The following PRKN variants were observed in gnomAD, a reference collection of about 807,000 sequenced individuals.
PRKN encodes parkin RBR E3 ubiquitin protein ligase.
PRKN carries 56 observed loss-of-function variants against 59.5 expected under a neutral mutation model. The ratio of observed to expected loss-of-function variants is 0.94; its 90% CI spans 0.76 to 1.18. The LOEUF is 1.18. Among genes scored for constraint, PRKN ranks in the 50% most tolerant of loss-of-function variants. The pLI, the probability that PRKN is intolerant of heterozygous loss-of-function variation, is 0.00. For missense variants in PRKN, 657 were observed against 596.4 expected, an observed-to-expected ratio of 1.10 and a Z score of -1.06; for synonymous variants, 250 against 222.1, an observed-to-expected ratio of 1.13 and a Z score of -1.12.
At chr6:162,674,428 A>G (rs991696214) in intron 1 of PRKN, among the ~76,000 whole-genome samples, 29 of 152,198 alleles carry the variant, frequency 1.9e-4, no homozygotes, top group Non-Finnish European at 3.8e-4. Context: ...GAACTAGGAC[A>G]TGAAAGAGGA....
intron 3 of PRKN, among the ~76,000 whole-genome samples, chr6:162,222,359 T>C (rs150546023): frequency 2.6e-5 from 4 of 152,222 alleles, no homozygotes; most frequent in African/African-American, 9.6e-5. Flanking sequence ...GAAGCTCCCA[T>C]AGAAAAACAG....
At chr6:161,963,130 C>T (rs975632592) in intron 6 of PRKN, among the ~76,000 whole-genome samples, 8 of 151,918 alleles carry the variant, frequency 5.3e-5, no homozygotes, top group Non-Finnish European at 1.0e-4. Flanking sequence ...GTGACAAGAG[C>T]GAAATTCCAA....
chr6:162,024,321 C>A (rs1206503511), intron 5 of PRKN, among the ~76,000 whole-genome samples: 4 of 151,866 alleles, frequency 2.6e-5, no homozygotes, highest in African/African-American at 9.7e-5. Context: ...CTTCAGCCCC[C>A]AGGTAGCTGG....
At chr6:161,523,891 G>A (rs759091547) in intron 9 of PRKN, among the ~76,000 whole-genome samples, 1 of 152,020 alleles carries the variant, frequency 6.6e-6, no homozygotes, top group African/African-American at 2.4e-5. Context: ...CATCAAGCAT[G>A]GATAGCACCT....
chr6:161,994,256 A>G (rs905631562), intron 5 of PRKN, among the ~76,000 whole-genome samples: 1 of 151,276 alleles, frequency 6.6e-6, no homozygotes, highest in Admixed American at 6.6e-5. Flanking sequence ...AAAAAAAAAG[A>G]AAGTGAAGGA....
intron 9 of PRKN, among the ~76,000 whole-genome samples, chr6:161,464,731 C>T (rs900141553): frequency 3.9e-5 from 6 of 152,184 alleles, no homozygotes; most frequent in African/African-American, 1.4e-4. Flanking sequence ...TAAATAATGC[C>T]TTGAAGGGCT....
At chr6:161,802,888 G>A (rs1218736932) in intron 6 of PRKN, among the ~76,000 whole-genome samples, 6 of 152,084 alleles carry the variant, frequency 3.9e-5, no homozygotes, top group Non-Finnish European at 8.8e-5. Context: ...TTTGTAGGGT[G>A]GCTGAATATG....
At chr6:162,038,880 C>T (rs975557423) in intron 5 of PRKN, among the ~76,000 whole-genome samples, 6 of 152,028 alleles carry the variant, frequency 3.9e-5, no homozygotes, top group South Asian at 4.2e-4. Context: ...GCTGGCCGGG[C>T]GCGGTGGTTC....
chr6:162,390,208 C>A (rs1019072808), intron 2 of PRKN, among the ~76,000 whole-genome samples: 10 of 151,662 alleles, frequency 6.6e-5, no homozygotes, highest in African/African-American at 2.4e-4. Context: ...TTCACTCTTT[C>A]GTTAACTGCT....
intron 7 of PRKN, among the ~76,000 whole-genome samples, chr6:161,775,615 G>C (rs536778055): frequency 6.6e-6 from 1 of 152,238 alleles, no homozygotes; most frequent in South Asian, 2.1e-4. Context: ...ATATTCTTTT[G>C]TAACGCATCT....
At chr6:161,752,051 T>C (rs1392739793) in intron 7 of PRKN, among the ~76,000 whole-genome samples, 1 of 152,228 alleles carries the variant, frequency 6.6e-6, no homozygotes, top group Admixed American at 6.5e-5. Context: ...GAGAATATTA[T>C]GAAGAATTTG....
rs73026532 is a variant in PRKN at position 161,964,445 on chromosome 6, C to G, written c.734+8857G>C. On this transcript the variant is annotated intron_variant, in intron 6 of 11. Coordinates refer to ENST00000366898, the MANE Select transcript of PRKN (RefSeq NM_004562.3). ...TGTGTCACACTTTTCAGAAAAGAAT[C>G]ACTCCTGGCATAAGGAGATAGAATT... 6.5e-3 allele frequency among the ~76,000 whole-genome samples: 988 copies of G among 152,054 alleles called. 2 individuals carry two copies. Among genetic ancestry groups the G allele is most frequent in the Non-Finnish European group, 0.01 (683 of 68,022 alleles).
chr6:162,000,962 G>A (rs1469206068), intron 5 of PRKN, among the ~76,000 whole-genome samples: 8 of 151,748 alleles, frequency 5.3e-5, no homozygotes, highest in Non-Finnish European at 7.4e-5. Context: ...CTATGTATGG[G>A]TCTACTTTTA....
Position 161,435,446 on chromosome 6 carries a change from T to A in PRKN, c.1084-48569A>T, listed in dbSNP as rs539710513. 1.4e-4 allele frequency among the ~76,000 whole-genome samples: 22 copies of A among 152,324 alleles called. No individual in the cohort carries two copies. In the South Asian group the frequency reaches 4.6e-3, roughly 32 times the overall value. ...TGTTTATAAAGAAGCACTGAGCTTCTACTTTGTGCAGAGAGCTTTACAAAT... is the reference window on the plus strand; with the variant it reads ...TGTTTATAAAGAAGCACTGAGCTTCAACTTTGTGCAGAGAGCTTTACAAAT... On this transcript the variant is annotated intron_variant, in intron 9 of 11. Transcript: ENST00000366898.
At chr6:161,835,592 A>G (rs1456067614) in intron 6 of PRKN, among the ~76,000 whole-genome samples, 3 of 152,180 alleles carry the variant, frequency 2.0e-5, no homozygotes, top group African/African-American at 7.2e-5. Flanking sequence ...CGCATGCTGC[A>G]GCTGGGCCCC....
chr6:162,706,860 A>C (rs1778356778), intron 1 of PRKN, among the ~76,000 whole-genome samples: 1 of 151,968 alleles, frequency 6.6e-6, no homozygotes, highest in Admixed American at 6.6e-5. Flanking sequence ...CTAACAGCTA[A>C]ATGTTATATT....
At chr6:162,593,209 C>T (rs887274038) in intron 1 of PRKN, among the ~76,000 whole-genome samples, 7 of 152,156 alleles carry the variant, frequency 4.6e-5, no homozygotes, top group African/African-American at 1.7e-4. Flanking sequence ...GAGGCAAGTA[C>T]AATCAGCAAA....
chr6:162,113,309 T>C, intron 4 of PRKN, among the ~76,000 whole-genome samples: 1 of 152,246 alleles, frequency 6.6e-6, no homozygotes, highest in Non-Finnish European at 1.5e-5. Context: ...TAAAGGATTA[T>C]TCAACAAATT....
intron 7 of PRKN, among the ~76,000 whole-genome samples, chr6:161,756,463 A>C (rs908779823): frequency 5.9e-5 from 9 of 151,442 alleles, no homozygotes; most frequent in Non-Finnish European, 7.4e-5. Context: ...AAAAAAAAAA[A>C]AAAAAAACAC....
Sources: allele counts gnomAD v4.1 joint callset (sites outside exome capture counted in the v4.1 genomes callset), GRCh38; gene constraint gnomAD v4.1.1; transcripts MANE v1.5; gene names NCBI Gene and HGNC (gene_info 2026-07-23, HGNC 2026-07-21).